The following KCNB2 variants were observed in gnomAD, a reference collection of about 807,000 sequenced individuals.
KCNB2 encodes potassium voltage-gated channel subfamily B member 2, also known as delayed rectifier potassium channel protein.
In KCNB2, 15 loss-of-function variants were observed where a neutral mutation model predicts 61.5. That is an observed-to-expected ratio of 0.24 (90% CI 0.16 to 0.38). The LOEUF is 0.38. Ranked by LOEUF, KCNB2 falls within the 10% of genes least tolerant of loss-of-function variation. The pLI, the probability that KCNB2 is intolerant of heterozygous loss-of-function variation, is 1.00. For synonymous variants in KCNB2, 457 were observed against 446.0 expected (o/e 1.02, Z -0.31); for missense variants, 828 against 1,125.2 (o/e 0.74, Z 3.78).
At chr8:72,780,394 T>C (rs1245817171) in intron 2 of KCNB2, among the ~76,000 whole-genome samples, 1 of 152,232 alleles carries the variant, frequency 6.6e-6, no homozygotes, top group Non-Finnish European at 1.5e-5. Context: ...TGAAAAAATT[T>C]TAATATTGTC....
chr8:72,600,852 G>A (rs1328553406), intron 2 of KCNB2, among the ~76,000 whole-genome samples: 7 of 152,092 alleles, frequency 4.6e-5, no homozygotes, highest in Admixed American at 4.6e-4. Context: ...GTGGAGGGTG[G>A]GAGGAGGGAG....
intron 2 of KCNB2, among the ~76,000 whole-genome samples, chr8:72,664,549 C>T (rs1028196573): frequency 1.4e-4 from 21 of 152,200 alleles, no homozygotes; most frequent in Non-Finnish European, 1.5e-5. Flanking sequence ...ACAGAGACTG[C>T]TTCTGTAGAA....
intron 2 of KCNB2, among the ~76,000 whole-genome samples, chr8:72,907,072 T>C (rs1406606539): frequency 6.6e-6 from 1 of 152,148 alleles, no homozygotes; most frequent in East Asian, 1.9e-4. Context: ...TTAAAAACTA[T>C]TTAAGGCTGT....
chr8:72,597,700 G>A (rs992546355), intron 2 of KCNB2, among the ~76,000 whole-genome samples: 5 of 152,172 alleles, frequency 3.3e-5, no homozygotes, highest in Non-Finnish European at 7.3e-5. Context: ...CCATAATGAT[G>A]TAGTTAAGTT....
intron 2 of KCNB2, among the ~76,000 whole-genome samples, chr8:72,863,815 G>A (rs1052279344): frequency 2.0e-5 from 3 of 152,184 alleles, no homozygotes; most frequent in African/African-American, 7.2e-5. Context: ...TTCAGGACCA[G>A]CCTGGGCAAC....
chr8:72,847,995 G>T (rs879868768), intron 2 of KCNB2, among the ~76,000 whole-genome samples: 1 of 152,138 alleles, frequency 6.6e-6, no homozygotes, highest in Non-Finnish European at 1.5e-5. Context: ...CCTCACAGTA[G>T]ATCACAAGCC....
At chr8:72,702,057 A>G (rs16938334) in intron 2 of KCNB2, among the ~76,000 whole-genome samples, 6,492 of 152,274 alleles carry the variant, frequency 0.043, 189 homozygotes, top group African/African-American at 0.084. Flanking sequence ...ACTTAGGAAA[A>G]AAAATACTTA....
At chr8:72,782,041 A>C (rs990309457) in intron 2 of KCNB2, among the ~76,000 whole-genome samples, 10 of 152,190 alleles carry the variant, frequency 6.6e-5, no homozygotes, top group African/African-American at 2.4e-4. Flanking sequence ...TGATAGGTGC[A>C]GCAAACCACC....
chr8:72,725,527 A>ATGTGTATATATATATG (rs371929824), intron 2 of KCNB2, among the ~76,000 whole-genome samples: 8 of 91,008 alleles, frequency 8.8e-5, no homozygotes, highest in Non-Finnish European at 1.7e-4. Context: ...ATATATATAT[A>ATGTGTATATATATATG]TATATATATA....
chr8:72,583,055 T>A lies in KCNB2; in HGVS notation c.579+14742T>A, dbSNP rs575048510. Among the ~76,000 whole-genome samples, 210 of 151,746 alleles carry A rather than the reference T, an allele frequency of 1.4e-3. 2 individuals are homozygous for A. The highest frequency in any genetic ancestry group is 4.8e-3 in the African/African-American group (198 of 41,372). ...TTTCATTGTAATCCAAAAAAAAAAA[T>A]TTTTGGAAACTCCTAAGTTCAGGAT... is the stretch of plus-strand genomic sequence containing the variant. On this transcript the variant is annotated intron_variant, in intron 2 of 2. Transcript: ENST00000523207.
intron 2 of KCNB2, among the ~76,000 whole-genome samples, chr8:72,722,589 A>C (rs925755863): frequency 3.3e-5 from 5 of 152,188 alleles, no homozygotes; most frequent in African/African-American, 1.2e-4. Context: ...TCATCGAATC[A>C]GTGTCTGTAA....
chr8:72,795,105 G>T (rs1237066959), intron 2 of KCNB2, among the ~76,000 whole-genome samples: 1 of 152,188 alleles, frequency 6.6e-6, no homozygotes, highest in East Asian at 1.9e-4. Flanking sequence ...TGTGGGATCG[G>T]TACAAGATCA....
chr8:72,658,780 C>T (rs1362497352), intron 2 of KCNB2, among the ~76,000 whole-genome samples: 1 of 152,200 alleles, frequency 6.6e-6, no homozygotes, highest in Non-Finnish European at 1.5e-5. Context: ...GATGCTAAAT[C>T]CTCTCTGCCT....
At chr8:72,832,907 A>C (rs1809722647) in intron 2 of KCNB2, among the ~76,000 whole-genome samples, 1 of 152,202 alleles carries the variant, frequency 6.6e-6, no homozygotes, top group South Asian at 2.1e-4. Context: ...TCTGTCTTCC[A>C]AGGCTATTTG....
chr8:72,729,957 G>A (rs994818782), intron 2 of KCNB2, among the ~76,000 whole-genome samples: 1 of 152,006 alleles, frequency 6.6e-6, no homozygotes, highest in African/African-American at 2.4e-5. Context: ...CTTAATGGGG[G>A]GCAGAGAATA....
chr8:72,829,038 T>C (rs764904283), intron 2 of KCNB2, among the ~76,000 whole-genome samples: 1 of 152,216 alleles, frequency 6.6e-6, no homozygotes, highest in Non-Finnish European at 1.5e-5. Flanking sequence ...CCGTGATTCA[T>C]TGTAATTTCA....
intron 2 of KCNB2, among the ~76,000 whole-genome samples, chr8:72,736,559 G>A (rs1417636355): frequency 6.6e-6 from 1 of 152,098 alleles, no homozygotes; most frequent in East Asian, 1.9e-4. Context: ...TTGACAAGAT[G>A]CCATGTTTGA....
At chr8:72,721,578 C>T (rs1807549649) in intron 2 of KCNB2, among the ~76,000 whole-genome samples, 2 of 152,236 alleles carry the variant, frequency 1.3e-5, no homozygotes, top group African/African-American at 4.8e-5. Context: ...GTAACAGTGG[C>T]TCAGTGGTCA....
intron 2 of KCNB2, among the ~76,000 whole-genome samples, chr8:72,633,191 G>C (rs1247056229): frequency 6.6e-6 from 1 of 152,116 alleles, no homozygotes; most frequent in Non-Finnish European, 1.5e-5. Context: ...GAAGGAGGGC[G>C]GTGGTCCCTG....
Sources: gnomAD v4.1 joint callset for allele counts (sites outside exome capture counted in the v4.1 genomes callset) on GRCh38, gnomAD v4.1.1 for gene constraint, MANE v1.5 for transcripts, NCBI Gene and HGNC (gene_info 2026-07-23, HGNC 2026-07-21) for gene names.